The following ATP11B variants were observed in gnomAD, a reference collection of about 807,000 sequenced individuals.
ATP11B encodes the protein phospholipid-transporting ATPase IF.
A neutral mutation model predicts 157.8 loss-of-function variants in ATP11B; 81 were observed. That is an observed-to-expected ratio of 0.51 (90% confidence interval 0.43 to 0.62). The LOEUF is 0.62. ATP11B is among the 20% of genes least tolerant of loss of function. The pLI is 0.00. For missense variants in ATP11B, 1,165 were observed against 1,402.2 expected (o/e 0.83, Z 2.70); for synonymous variants, 451 against 469.4 (o/e 0.96, Z 0.51).
At chr3:182,825,819 G>C (rs1482321685) in intron 2 of ATP11B, among the ~76,000 whole-genome samples, 1 of 152,040 alleles carries the variant, frequency 6.6e-6, no homozygotes, top group East Asian at 1.9e-4. Context: ...AGAATCGCTT[G>C]AACTCAGGAG....
At chr3:182,866,522 T>C in intron 14 of ATP11B, 79 bp downstream of exon 14, 1 of 1,224,544 alleles carries the variant, frequency 8.2e-7, no homozygotes, top group East Asian at 2.8e-5. Flanking sequence ...TCATTTAAAA[T>C]TTTCAAACAT....
intron 2 of ATP11B, among the ~76,000 whole-genome samples, chr3:182,820,757 C>T (rs1334925753): frequency 6.6e-6 from 1 of 151,980 alleles, no homozygotes; most frequent in African/African-American, 2.4e-5. Flanking sequence ...TATTTATATC[C>T]TTACAAATTC....
intron 28 of ATP11B, among the ~76,000 whole-genome samples, chr3:182,913,379 C>G (rs1724927089): frequency 6.6e-6 from 1 of 152,120 alleles, no homozygotes; most frequent in African/African-American, 2.4e-5. Flanking sequence ...GGGGTGAGGT[C>G]CTGCCTGATT....
chr3:182,848,491 C>A lies in ATP11B; in HGVS notation c.785C>A (p.Thr262Asn), dbSNP rs868867169. The A allele has an allele frequency of 6.4e-7, 1 of 1,562,284 alleles. No homozygotes were observed. Among genetic ancestry groups the A allele is most frequent in the Non-Finnish European group, 8.7e-7 (1 of 1,152,822 alleles). Residue 262 changes from threonine (T) to asparagine (N), a missense_variant, in exon 10 of 30, where the codon ACT becomes AAT. By Grantham distance (65) the Thr-to-Asn change is moderately conservative. Transcript: ENST00000323116. ...TATTTTACAGGTGTTGCGGTATACA[C>A]TGGAATGGAAACTAAGATGGCATTA... ...TKEIFGVAVY[T>N]GMETKMALNY...
Position 182,814,566 on chromosome 3 carries a change from G to A in ATP11B, c.28-5694G>A, listed in dbSNP as rs9872222. On this transcript the variant is annotated intron_variant, in intron 1 of 29. Coordinates refer to ENST00000323116, the MANE Select transcript of ATP11B (RefSeq NM_014616.3). ...CTCACAGCTGTAATCCCAGCACTTT[G>A]GGAGATTGAGGAAGGAGGATTGCTT... Among the ~76,000 whole-genome samples the A allele has an allele frequency of 8.0e-3, 1,216 of 152,214 alleles. 16 individuals carry two copies. The highest frequency in any genetic ancestry group is 0.028 in the African/African-American group (1,165 of 41,530).
intron 4 of ATP11B, among the ~76,000 whole-genome samples, chr3:182,835,809 A>G (rs1452803729): frequency 6.6e-6 from 1 of 152,132 alleles, no homozygotes; most frequent in Non-Finnish European, 1.5e-5. Flanking sequence ...TTGAGAAGAA[A>G]TAACTAGAGG....
intron 1 of ATP11B, among the ~76,000 whole-genome samples, chr3:182,817,264 T>C (rs1717019998): frequency 6.6e-6 from 1 of 151,642 alleles, no homozygotes; most frequent in Non-Finnish European, 1.5e-5. Flanking sequence ...TAATGTATTT[T>C]GGGGGGACCG....
intron 28 of ATP11B, chr3:182,908,427 C>T (rs1271680761): frequency 6.6e-6 from 1 of 151,870 alleles, no homozygotes; most frequent in Non-Finnish European, 1.5e-5. Flanking sequence ...AACTCCTGGC[C>T]TCAAGTGATT....
chr3:182,810,048 T>A (rs965916406), intron 1 of ATP11B, among the ~76,000 whole-genome samples: 16 of 152,176 alleles, frequency 1.1e-4, no homozygotes, highest in Non-Finnish European at 1.9e-4. Context: ...TTCTGTTTTT[T>A]AAAAATACAT....
chr3:182,848,689 T>C, intron 10 of ATP11B, 132 bp downstream of exon 10: 1 of 342,668 alleles, frequency 2.9e-6, no homozygotes, highest in Non-Finnish European at 4.8e-6. Flanking sequence ...TGATAGTTTC[T>C]TATATTTTTA....
rs185265633 is a variant in ATP11B at position 182,798,521 on chromosome 3, T to C, written c.27+4735T>C. ...GCTGCTTTATCTCTATTTTCAGACA[T>C]ATATTCTTAGATACGCAGTTTTGCA... is the stretch of plus-strand genomic sequence containing the variant. On this transcript the variant is annotated intron_variant, in intron 1 of 29. Transcript: ENST00000323116. Among the ~76,000 whole-genome samples the C allele has an allele frequency of 7.5e-4, 114 of 152,360 alleles. 1 individual carries two copies. Among genetic ancestry groups the C allele is most frequent in the African/African-American group, 2.6e-3 (110 of 41,584 alleles).
intron 1 of ATP11B, among the ~76,000 whole-genome samples, chr3:182,797,016 C>G (rs79484915): frequency 0.011 from 1,623 of 152,302 alleles, 31 homozygotes; most frequent in African/African-American, 0.037. Flanking sequence ...TCTGAACTCC[C>G]TCAACTTTCT....
intron 13 of ATP11B, 29 bp downstream of exon 13, chr3:182,865,727 G>T: frequency 6.4e-7 from 1 of 1,550,646 alleles, no homozygotes; most frequent in Non-Finnish European, 8.7e-7. Flanking sequence ...AATAAATAAG[G>T]GTTTCATATG....
rs1256419067 is a variant in ATP11B at position 182,921,463 on chromosome 3, A to G, written c.*3359A>G. The G allele has an allele frequency of 6.6e-6, 1 of 152,188 alleles. No individual in the cohort carries two copies. Among genetic ancestry groups the G allele is most frequent in the Non-Finnish European group, 1.5e-5 (1 of 68,018 alleles). 9.4% of individuals were successfully genotyped at this position (152,188 alleles called of 1,614,324 possible). ...AGGAATGAGTATCTGGAAATATTGT[A>G]GCAATACTTGGTTTAAAATTTTGGA... On this transcript the variant is annotated 3_prime_UTR_variant, in exon 30 of 30. Coordinates refer to ENST00000323116, the MANE Select transcript of ATP11B (RefSeq NM_014616.3).
chr3:182,854,015 G>T (rs1372909189), intron 10 of ATP11B, among the ~76,000 whole-genome samples: 3 of 152,180 alleles, frequency 2.0e-5, no homozygotes, highest in African/African-American at 4.8e-5. Flanking sequence ...TTTCAACCAA[G>T]TAACAAGTCA....
chr3:182,853,362 A>C (rs2108527463), intron 10 of ATP11B, among the ~76,000 whole-genome samples: 1 of 152,122 alleles, frequency 6.6e-6, no homozygotes, highest in Non-Finnish European at 1.5e-5. Context: ...TGCGCGCCAC[A>C]ACACCCAGCT....
Position 182,867,344 on chromosome 3 carries a change from A to C in ATP11B, c.1620-32A>C, listed in dbSNP as rs771150444. ...TGTGAAATATGCAGTATTATTTCTT[A>C]AGTCTCACTTTTTTATCCTTTTGAT... On this transcript the variant is annotated intron_variant, in intron 14 of 29. Transcript: ENST00000323116. 7 of 1,331,936 alleles carry C rather than the reference A, an allele frequency of 5.3e-6. No homozygotes were observed. The African/African-American group carries it at 8.7e-5, about 17-fold the overall frequency. 82.5% of individuals were successfully genotyped at this position (1,331,936 alleles called of 1,614,324 possible). A position where few individuals can be genotyped will look rare whatever the true frequency, so the allele number is the denominator to read the frequency against.
chr3:182,858,081 A>G (rs1339985750), intron 11 of ATP11B, 53 bp downstream of exon 11: 2 of 1,506,708 alleles, frequency 1.3e-6, no homozygotes, highest in East Asian at 4.6e-5. Flanking sequence ...ACTTGGCACG[A>G]TTAGTGCTTT....
intron 25 of ATP11B, among the ~76,000 whole-genome samples, chr3:182,896,287 C>A (rs139692930): frequency 6.6e-6 from 1 of 152,252 alleles, no homozygotes; most frequent in East Asian, 1.9e-4. Context: ...TGTACTGTAT[C>A]CAAAAATACC....
Sources: gnomAD v4.1 joint callset for allele counts (sites outside exome capture counted in the v4.1 genomes callset) on GRCh38, gnomAD v4.1.1 for gene constraint, MANE v1.5 for transcripts, NCBI Gene and HGNC (gene_info 2026-07-23, HGNC 2026-07-21) for gene names.